Variants in MTMR7 observed in about 807,000 individuals in gnomAD.
The protein encoded by MTMR7 is phosphatidylinositol-3-phosphate phosphatase MTMR7.
In MTMR7, 76 loss-of-function variants were observed where a neutral mutation model predicts 81.2. That is an observed-to-expected ratio of 0.94 (90% CI 0.78 to 1.13). The LOEUF is 1.13. Among genes scored for constraint, MTMR7 ranks in the 50% most tolerant of loss-of-function variants. MTMR7 has a pLI of 0.00. For synonymous variants in MTMR7, 372 were observed against 289.8 expected, an observed-to-expected ratio of 1.28 and a Z score of -2.88; for missense variants, 1,044 against 820.0, an observed-to-expected ratio of 1.27 and a Z score of -3.34.
At chr8:17,396,284 T>C (rs1468713167) in intron 1 of MTMR7, among the ~76,000 whole-genome samples, 1 of 152,158 alleles carries the variant, frequency 6.6e-6, no homozygotes, top group East Asian at 1.9e-4. Flanking sequence ...GCTATTAAAG[T>C]ACCTGCTTTT....
intron 1 of MTMR7, among the ~76,000 whole-genome samples, chr8:17,378,384 T>C (rs748520638): frequency 3.9e-5 from 6 of 152,194 alleles, no homozygotes; most frequent in East Asian, 3.8e-4. Flanking sequence ...TACTAAGACG[T>C]TGAAAACGAT....
intron 5 of MTMR7, among the ~76,000 whole-genome samples, chr8:17,342,531 T>C (rs950608731): frequency 2.0e-5 from 3 of 152,268 alleles, no homozygotes; most frequent in African/African-American, 7.2e-5. Flanking sequence ...AGCTTAATTG[T>C]CTTTGAATCC....
intron 8 of MTMR7, among the ~76,000 whole-genome samples, chr8:17,312,500 G>T (rs1378461305): frequency 6.8e-6 from 1 of 147,432 alleles, no homozygotes; most frequent in African/African-American, 2.5e-5. Flanking sequence ...GCTTGAACCT[G>T]GGAGGCAGAG....
At chr8:17,308,910 T>C (rs1036878312) in intron 10 of MTMR7, among the ~76,000 whole-genome samples, 1 of 152,222 alleles carries the variant, frequency 6.6e-6, no homozygotes, top group African/African-American at 2.4e-5. Context: ...AAAGAGAAAC[T>C]GTTCCACGGG....
At chr8:17,395,108 T>A (rs1458666663) in intron 1 of MTMR7, among the ~76,000 whole-genome samples, 3 of 152,154 alleles carry the variant, frequency 2.0e-5, no homozygotes, top group Non-Finnish European at 4.4e-5. Flanking sequence ...CTCATAACTT[T>A]TATTTTACTT....
chr8:17,298,370 C>G lies in MTMR7; in HGVS notation c.*1492G>C, dbSNP rs1563306038. On this transcript the variant is annotated 3_prime_UTR_variant, in exon 14 of 14. Transcript: ENST00000180173. ...TGCTTTATTTTTTACATTAACAGTA[C>G]TTTTAAATCACAGTTCTCTAATATA... 1 of 151,938 alleles carries G rather than the reference C, an allele frequency of 6.6e-6. No homozygotes were observed. Among genetic ancestry groups the G allele is most frequent in the Admixed American group, 6.6e-5 (1 of 15,230 alleles). The allele number at this position is 151,938 out of a possible 1,614,324, so 9.4% of individuals were successfully genotyped here.
chr8:17,314,508 A>G (rs999484732), intron 7 of MTMR7, among the ~76,000 whole-genome samples: 3 of 152,210 alleles, frequency 2.0e-5, no homozygotes, highest in Non-Finnish European at 2.9e-5. Flanking sequence ...AGCACTGTGC[A>G]TATGGGTCAC....
rs187655984 is a variant in MTMR7 at position 17,319,282 on chromosome 8, G to A, written c.866-5881C>T. On this transcript the variant is annotated intron_variant, in intron 7 of 13. Transcript: ENST00000180173. ...ATAAAAACACCTTCCTCAAACAGTT[G>A]TGAAGATGAAATAATACCAATAAGC... Among the ~76,000 whole-genome samples the A allele has an allele frequency of 3.3e-3, 499 of 152,260 alleles. 1 individual carries two copies. The highest frequency in any genetic ancestry group is 6.1e-3 in the Non-Finnish European group (416 of 68,026).
chr8:17,364,064 C>T (rs1303088158), intron 3 of MTMR7, among the ~76,000 whole-genome samples: 2 of 115,458 alleles, frequency 1.7e-5, no homozygotes, highest in African/African-American at 6.6e-5. Flanking sequence ...GAGTCTCGCT[C>T]TGTCGCCCAG....
intron 3 of MTMR7, among the ~76,000 whole-genome samples, chr8:17,370,768 C>T (rs1820394092): frequency 6.6e-6 from 1 of 151,794 alleles, no homozygotes; most frequent in South Asian, 2.1e-4. Flanking sequence ...CAATTTCACC[C>T]CAAAAGGAAA....
intron 1 of MTMR7, among the ~76,000 whole-genome samples, chr8:17,398,296 A>G (rs73211122): frequency 0.047 from 7,109 of 152,274 alleles, 421 homozygotes; most frequent in East Asian, 0.32. Flanking sequence ...AAGAAATTCA[A>G]GTTAACACAG....
intron 11 of MTMR7, among the ~76,000 whole-genome samples, chr8:17,305,401 A>C (rs1817384301): frequency 6.6e-6 from 1 of 152,116 alleles, no homozygotes; most frequent in African/African-American, 2.4e-5. Flanking sequence ...TTCCCAATTA[A>C]ATTTGCAATT....
intron 1 of MTMR7, among the ~76,000 whole-genome samples, chr8:17,404,251 T>C (rs188707770): frequency 1.6e-3 from 247 of 152,152 alleles, no homozygotes; most frequent in Non-Finnish European, 2.6e-3. Context: ...TTGGAATAGA[T>C]ATGGGAGGAG....
chr8:17,298,042 T>A lies in MTMR7; in HGVS notation c.*1820A>T, dbSNP rs1586114746. Reference sequence around the variant, plus strand: ...TTGGCATAGATACTTTGTCATTTTTTAAAAAATGTTTATTGTTTTTATAGA... The same window carrying A: ...TTGGCATAGATACTTTGTCATTTTTAAAAAAATGTTTATTGTTTTTATAGA... On this transcript the variant is annotated 3_prime_UTR_variant, in exon 14 of 14. Transcript: ENST00000180173. 1 of 152,188 alleles carries A rather than the reference T, an allele frequency of 6.6e-6. No homozygotes were observed. The highest frequency in any genetic ancestry group is 2.4e-5 in the African/African-American group (1 of 41,564). The allele number at this position is 152,188 out of a possible 1,614,324, so 9.4% of individuals were successfully genotyped here.
chr8:17,400,994 G>C (rs146560707), intron 1 of MTMR7, among the ~76,000 whole-genome samples: 1 of 152,034 alleles, frequency 6.6e-6, no homozygotes, highest in Non-Finnish European at 1.5e-5. Context: ...CAGAACACAC[G>C]GTCTGTTATA....
rs192135742 is a variant in MTMR7 at position 17,395,473 on chromosome 8, T to C, written c.24+17796A>G. Among the ~76,000 whole-genome samples the C allele has an allele frequency of 2.2e-4, 34 of 152,306 alleles. 1 individual carries two copies. In the East Asian group the frequency reaches 4.2e-3, roughly 19 times the overall value. On this transcript the variant is annotated intron_variant, in intron 1 of 13. Transcript: ENST00000180173. Reference sequence around the variant, plus strand: ...CTGAGTCATATGATAATTCTACATTTAACTTTTTGAGAAACTACCAAAGGG... The same window carrying C: ...CTGAGTCATATGATAATTCTACATTCAACTTTTTGAGAAACTACCAAAGGG...
intron 1 of MTMR7, among the ~76,000 whole-genome samples, chr8:17,410,268 C>T (rs2150590070): frequency 6.6e-6 from 1 of 152,276 alleles, no homozygotes; most frequent in South Asian, 2.1e-4. Flanking sequence ...CAAATTTACA[C>T]ATGTGGGAAA....
Position 17,313,347 on chromosome 8 carries a change from G to C in MTMR7, c.920C>G (p.Ser307Cys), listed in dbSNP as rs2150490958. The C allele has an allele frequency of 1.2e-6, 2 of 1,613,092 alleles. No individual in the cohort carries two copies. The highest frequency in any genetic ancestry group is 1.7e-6 in the Non-Finnish European group (2 of 1,179,270). ...GGCTTTAATGTGCCTTAACCAGCCA[G>C]AGTTCTCCAGACCCCACAGGAAATC... is the stretch of plus-strand genomic sequence containing the variant. ...MSDFLWGLEN[S>C]GWLRHIKAIM... Residue 307 changes from serine to cysteine, a missense_variant, in exon 8 of 14, where the codon TCT becomes TGT. Transcript: ENST00000180173.
intron 4 of MTMR7, among the ~76,000 whole-genome samples, chr8:17,360,828 C>T (rs1295619802): frequency 1.3e-5 from 2 of 152,112 alleles, no homozygotes; most frequent in Admixed American, 1.3e-4. Context: ...GGCCAGCTCT[C>T]CCACCAACTG....
Sources: gnomAD v4.1 joint callset for allele counts (sites outside exome capture counted in the v4.1 genomes callset) on GRCh38, gnomAD v4.1.1 for gene constraint, MANE v1.5 for transcripts, NCBI Gene and HGNC (gene_info 2026-07-23, HGNC 2026-07-21) for gene names.